Variants in RITA1 observed in about 807,000 individuals in gnomAD.
The protein encoded by RITA1 is RBPJ-interacting and tubulin-associated protein 1.
A neutral mutation model predicts 8.7 loss-of-function variants in RITA1; 15 were observed. The observed-to-expected ratio is 1.72, with a 90% CI of 1.15 to 2.65. The LOEUF (loss-of-function observed/expected upper bound fraction) is 2.65. RITA1 is among the 30% of genes most tolerant of loss of function. RITA1 has a pLI of 0.00. For synonymous variants in RITA1, 145 were observed against 156.2 expected (o/e 0.93, Z 0.53); for missense variants, 330 against 363.8 (o/e 0.91, Z 0.76).
chr12:113,186,121 C>T, intron 1 of RITA1, 64 bp from the exon 2 acceptor site: 1 of 1,500,638 alleles, frequency 6.7e-7, no homozygotes, highest in Non-Finnish European at 9.0e-7. Flanking sequence ...CGGCGGTGAT[C>T]TCCCGATAGC....
intron 1 of RITA1, 45 bp from the exon 2 acceptor site, chr12:113,186,140 C>A: frequency 6.9e-7 from 1 of 1,444,974 alleles, no homozygotes; most frequent in Non-Finnish European, 9.4e-7. Flanking sequence ...GCAGTGTAGC[C>A]AAGTACACAA....
rs534005572 is a variant in RITA1 at position 113,191,160 on chromosome 12, G to A, written c.303-150G>A. Reference sequence around the variant, plus strand: ...GTGGTGCTTAAGAGGCTGTGGCCTCGCTGTAGGTTTCAGACTGGGAGACAA... The same window carrying A: ...GTGGTGCTTAAGAGGCTGTGGCCTCACTGTAGGTTTCAGACTGGGAGACAA... On this transcript the variant is annotated intron_variant, in intron 3 of 3. Coordinates refer to ENST00000548278, the MANE Select transcript of RITA1 (RefSeq NM_032848.3). The surrounding 1 kb of genome is among the most constrained non-coding windows in gnomAD (Gnocchi z 4.0). The A allele has an allele frequency of 1.1e-5, 11 of 1,023,098 alleles. No individual in the cohort carries two copies. The highest frequency in any genetic ancestry group is 2.7e-5 in the East Asian group (1 of 36,652). 63.4% of individuals were successfully genotyped at this position (1,023,098 alleles called of 1,614,324 possible). A position where few individuals can be genotyped will look rare whatever the true frequency, so the allele number is the denominator to read the frequency against.
intron 3 of RITA1, among the ~76,000 whole-genome samples, chr12:113,189,872 A>G (rs376289884): frequency 6.7e-6 from 1 of 149,966 alleles, no homozygotes; most frequent in South Asian, 2.1e-4. Flanking sequence ...CCCTGTCTCT[A>G]CAAAAAATAA....
chr12:113,190,781 C>A (rs1192124916), intron 3 of RITA1, among the ~76,000 whole-genome samples: 1 of 152,218 alleles, frequency 6.6e-6, no homozygotes, highest in African/African-American at 2.4e-5. Context: ...AACAGGGGCT[C>A]AAACTGTGGC....
chr12:113,187,515 C>T (rs985741859), intron 3 of RITA1, among the ~76,000 whole-genome samples: 1 of 152,032 alleles, frequency 6.6e-6, no homozygotes, highest in Non-Finnish European at 1.5e-5. Context: ...AATCCCAGAA[C>T]GTTTGGAGGT....
At chr12:113,187,080 T>C (rs748138292) in intron 3 of RITA1, 32 bp downstream of exon 3, 9 of 1,504,676 alleles carry the variant, frequency 6.0e-6, no homozygotes, top group Non-Finnish European at 7.1e-6. Context: ...AATCCTGTAC[T>C]CAGTGCAGCC....
chr12:113,187,283 A>G, intron 3 of RITA1: 1 of 466,210 alleles, frequency 2.1e-6, no homozygotes, highest in Non-Finnish European at 3.8e-6. Context: ...AAAGCTGTCA[A>G]TAAATGGTAG....
chr12:113,187,409 A>G (rs1204979310), intron 3 of RITA1: 5 of 206,784 alleles, frequency 2.4e-5, no homozygotes, highest in Non-Finnish European at 4.8e-5. Context: ...AAGCTTATTA[A>G]TATTAATGTG....
chr12:113,192,311 T>C lies in RITA1; in HGVS notation c.*494T>C, dbSNP rs890718868. On this transcript the variant is annotated 3_prime_UTR_variant, in exon 4 of 4. Transcript: ENST00000548278. ...AGATTTGTGAGTGAACACTGTTTCA[T>C]CTTAATATGCTTCTGAATTTATTTT... 1 of 157,264 alleles carries C rather than the reference T, an allele frequency of 6.4e-6. No individual in the cohort carries two copies. The highest frequency in any genetic ancestry group is 1.4e-5 in the Non-Finnish European group (1 of 71,256). 9.7% of individuals were successfully genotyped at this position (157,264 alleles called of 1,614,324 possible). A position where few individuals can be genotyped will look rare whatever the true frequency, so the allele number is the denominator to read the frequency against.
intron 3 of RITA1, among the ~76,000 whole-genome samples, chr12:113,190,197 TA>T (rs1472292304): frequency 6.6e-6 from 1 of 151,596 alleles, no homozygotes; most frequent in African/African-American, 2.4e-5. Context: ...CTGGGCATGG[TA>T]GCACATGCCT....
chr12:113,191,345 C>G lies in RITA1; in HGVS notation c.338C>G (p.Ser113Trp), dbSNP rs16942601. ...CACACCCCGTCTTACTGTGATGAGT[C>G]GCTGTTTGGCTCCCGATCTGAAGGC... ...ISHTPSYCDE[S>W]LFGSRSEGAS... Residue 113 changes from serine to tryptophan, a missense_variant, in exon 4 of 4, where the codon TCG becomes TGG. By Grantham distance (177) the Ser-to-Trp change is radical. Transcript: ENST00000548278. The surrounding 1 kb of genome is among the most constrained non-coding windows in gnomAD (Gnocchi z 4.0). 6.4e-7 allele frequency: 1 copy of G among 1,565,932 alleles called. No individual in the cohort carries two copies.
rs1474249077 is a variant in RITA1, at chr12:113,191,140, G to A, written c.303-170G>A. 6.6e-6 allele frequency among the ~76,000 whole-genome samples: 1 copy of A among 152,172 alleles called. No individual in the cohort carries two copies. The highest frequency in any genetic ancestry group is 1.5e-5 in the Non-Finnish European group (1 of 68,032). ...ATCAGCAGAGACCGGGGGCAGTGGT[G>A]CTTAAGAGGCTGTGGCCTCGCTGTA... On this transcript the variant is annotated intron_variant, in intron 3 of 3. Transcript: ENST00000548278. The surrounding 1 kb of genome is among the most constrained non-coding windows in gnomAD (Gnocchi z 4.0).
Position 113,191,670 on chromosome 12 carries a change from T to C in RITA1, c.663T>C (p.Asn221=). ...GHPATSAPHT[N]GPQDLRPSTS... ...CAGCCACCAGTGCCCCCCACACAAATGGGCCTCAGGATCTCAGGCCTTCCA... is the reference window on the plus strand; with the variant it reads ...CAGCCACCAGTGCCCCCCACACAAACGGGCCTCAGGATCTCAGGCCTTCCA... Residue 221 remains asparagine, a synonymous_variant, in exon 4 of 4, where the codon AAT becomes AAC. Coordinates refer to ENST00000548278, the MANE Select transcript of RITA1 (RefSeq NM_032848.3). This position sits in a 1 kb window ranked among gnomAD's most constrained non-coding sequence, Gnocchi z 4.0. 6.2e-7 allele frequency: 1 copy of C among 1,614,136 alleles called. No individual in the cohort carries two copies. Among genetic ancestry groups the C allele is most frequent in the Non-Finnish European group, 8.5e-7 (1 of 1,180,024 alleles).
Position 113,191,144 on chromosome 12 carries a change from A to C in RITA1, c.303-166A>C, listed in dbSNP as rs1952596206. 6.6e-6 allele frequency among the ~76,000 whole-genome samples: 1 copy of C among 152,188 alleles called. No homozygotes were observed. The highest frequency in any genetic ancestry group is 2.4e-5 in the African/African-American group (1 of 41,436). ...GCAGAGACCGGGGGCAGTGGTGCTT[A>C]AGAGGCTGTGGCCTCGCTGTAGGTT... is the stretch of plus-strand genomic sequence containing the variant. On this transcript the variant is annotated intron_variant, in intron 3 of 3. Coordinates refer to ENST00000548278, the MANE Select transcript of RITA1 (RefSeq NM_032848.3). The surrounding 1 kb of genome is among the most constrained non-coding windows in gnomAD (Gnocchi z 4.0).
chr12:113,188,434 C>T (rs951424342), intron 3 of RITA1, among the ~76,000 whole-genome samples: 3 of 152,046 alleles, frequency 2.0e-5, no homozygotes, highest in Non-Finnish European at 4.4e-5. Context: ...ATCTTGAACT[C>T]CCGACCAGGT....
At position 113,191,811 on chromosome 12, in the gene RITA1, G is replaced by A. The variant is rs1593018963; in HGVS notation, c.804G>A (p.Trp268Ter). Residue 268 changes from tryptophan to a stop codon, truncating the protein, a stop_gained, in exon 4 of 4, where the codon TGG becomes TGA. Transcript: ENST00000548278. LOFTEE classifies it high-confidence loss of function. This position sits in a 1 kb window ranked among gnomAD's most constrained non-coding sequence, Gnocchi z 4.0. ...GGATQKPKPP[W>*]K ...CCACCCAGAAACCAAAGCCCCCTTG[G>A]AAATGATACTCTTTCATCAGGGTTG... The A allele has an allele frequency of 1.3e-6, 2 of 1,599,326 alleles. No homozygotes were observed. The highest frequency in any genetic ancestry group is 8.5e-7 in the Non-Finnish European group (1 of 1,171,328).
At position 113,191,377 on chromosome 12, in the gene RITA1, T is replaced by G. The variant is rs1487082626; in HGVS notation, c.370T>G (p.Phe124Val). Residue 124 changes from phenylalanine (F) to valine (V), a missense_variant, in exon 4 of 4, where the codon TTC becomes GTC. Physicochemically the swap from Phe to Val is conservative, Grantham distance 50 (BLOSUM62 -1). Coordinates refer to ENST00000548278, the MANE Select transcript of RITA1 (RefSeq NM_032848.3). The surrounding 1 kb of genome is among the most constrained non-coding windows in gnomAD (Gnocchi z 4.0). The part of the protein sequence containing the change: ...LFGSRSEGAS[F>V]GAPRMAKGDA... The stretch of plus-strand genomic sequence containing the variant: ...TGGCTCCCGATCTGAAGGCGCCAGC[T>G]TCGGGGCCCCGCGGATGGCGAAGGG... 2.5e-6 allele frequency: 4 copies of G among 1,597,312 alleles called. No homozygotes were observed. Among genetic ancestry groups the G allele is most frequent in the Non-Finnish European group, 3.4e-6 (4 of 1,170,022 alleles).
chr12:113,187,022 C>T lies in RITA1; in HGVS notation c.276C>T (p.Leu92=). The change falls in exon 3 of 4, where the codon CTC becomes CTT. Residue 92 remains leucine, a synonymous_variant. Transcript: ENST00000548278. ...TTPSRGSTPT[L]TPRKKNKYRP... ...CCTCAAGGGGCAGCACCCCCACCCT[C>T]ACACCAAGGAAGAAGAACAAATACA... 1 of 1,604,056 alleles carries T rather than the reference C, an allele frequency of 6.2e-7. No individual in the cohort carries two copies. The highest frequency in any genetic ancestry group is 1.7e-5 in the Admixed American group (1 of 58,326).
At chr12:113,186,641 A>G in intron 2 of RITA1, 42 bp from the exon 3 acceptor site, 1 of 1,505,926 alleles carries the variant, frequency 6.6e-7, no homozygotes, top group Non-Finnish European at 8.9e-7. Flanking sequence ...CTCCATTAGC[A>G]CTTCTGTGGC....
Sources: allele counts gnomAD v4.1 joint callset (sites outside exome capture counted in the v4.1 genomes callset), GRCh38; gene constraint gnomAD v4.1.1; non-coding constraint Gnocchi (gnomAD v3.1); transcripts MANE v1.5; gene names NCBI Gene and HGNC (gene_info 2026-07-23, HGNC 2026-07-21).